Variants in ZC3H3 observed in about 807,000 individuals in gnomAD.
ZC3H3 encodes the protein zinc finger CCCH domain-containing protein 3.
ZC3H3 carries 36 observed loss-of-function variants against 77.3 expected under a neutral mutation model. The ratio of observed to expected loss-of-function variants is 0.47; its 90% CI spans 0.36 to 0.61. The LOEUF is 0.61. ZC3H3 is among the 20% of genes least tolerant of loss of function. The probability of loss-of-function intolerance (pLI) is 0.00; values close to 1 mark genes in which losing one functional copy is unlikely to be tolerated. For synonymous variants in ZC3H3, 626 were observed against 555.2 expected, an observed-to-expected ratio of 1.13 and a Z score of -1.79; for missense variants, 1,331 against 1,312.2, an observed-to-expected ratio of 1.01 and a Z score of -0.22.
chr8:143,465,835 G>C lies in ZC3H3; in HGVS notation c.2189C>G (p.Ser730Cys). 6.2e-7 allele frequency: 1 copy of C among 1,611,880 alleles called. No homozygotes were observed. The highest frequency in any genetic ancestry group is 1.3e-5 in the African/African-American group (1 of 75,048). ...HVSKEKMPVC[S>C]YFLKGICSNS... ...GCTGCAGATGCCCTTCAGGAAGTAG[G>C]AGCACACCGGCATCTGCAGGGAGGG... Residue 730 changes from serine to cysteine, a missense_variant, in exon 9 of 12, where the codon TCC becomes TGC. This residue lies in a region of ZC3H3 where 104 missense variants were observed against 159.7 expected (regional missense o/e 0.65). Transcript: ENST00000262577.
At chr8:143,489,374 A>G (rs1481903699) in intron 4 of ZC3H3, among the ~76,000 whole-genome samples, 2 of 152,180 alleles carry the variant, frequency 1.3e-5, no homozygotes, top group Non-Finnish European at 2.9e-5. Context: ...CTGGAGGACA[A>G]GCAGCCAATG....
At chr8:143,484,651 C>T (rs1329732413) in intron 4 of ZC3H3, 1 of 172,914 alleles carries the variant, frequency 5.8e-6, no homozygotes, top group Non-Finnish European at 1.3e-5. Context: ...CCAGGTGCAG[C>T]TGTCCTTGGC....
In ZC3H3 at chr8:143,530,956, C is replaced by CT. The variant is rs3058418; in HGVS notation, c.1561+5300dup. ...CCCTTCTGGGGCTGTCTTCTATCTC[C>CT]TTTTTTTTTTTTTTTTTTTTTGAGA... On this transcript the variant is annotated intron_variant, in intron 3 of 11. Coordinates refer to ENST00000262577, the MANE Select transcript of ZC3H3 (RefSeq NM_015117.3). The surrounding 1 kb of genome is among the most constrained non-coding windows in gnomAD (Gnocchi z 4.3). 0.024 allele frequency among the ~76,000 whole-genome samples: 3,230 copies of CT among 133,520 alleles called. 179 individuals carry two copies. The highest frequency in any genetic ancestry group is 0.075 in the African/African-American group (2,560 of 34,186). 87.6% of individuals were successfully genotyped at this position (133,520 alleles called of 152,430 possible). A position where few individuals can be genotyped will look rare whatever the true frequency, so the allele number is the denominator to read the frequency against.
chr8:143,530,568 G>A lies in ZC3H3; in HGVS notation c.1561+5689C>T, dbSNP rs1233189055. On this transcript the variant is annotated intron_variant, in intron 3 of 11. Transcript: ENST00000262577. This position sits in a 1 kb window ranked among gnomAD's most constrained non-coding sequence, Gnocchi z 4.3. The stretch of plus-strand genomic sequence containing the variant: ...CCTCACTCCTGGCCTGGCCTGGAGT[G>A]TACAGCCTGGACAGCATCCCTCTGC... 2.6e-5 allele frequency among the ~76,000 whole-genome samples: 4 copies of A among 152,172 alleles called. No homozygotes were observed. The highest frequency in any genetic ancestry group is 1.3e-4 in the Admixed American group (2 of 15,296).
chr8:143,449,757 CA>C (rs1586876096), intron 9 of ZC3H3, among the ~76,000 whole-genome samples: 3 of 151,728 alleles, frequency 2.0e-5, no homozygotes, highest in East Asian at 1.9e-4. Context: ...CAAAACAAAA[CA>C]AAACCCAGGA....
Position 143,439,580 on chromosome 8 carries a change from C to T in ZC3H3, c.2815+461G>A, listed in dbSNP as rs539694210. Among the ~76,000 whole-genome samples, 7 of 152,324 alleles carry T rather than the reference C, an allele frequency of 4.6e-5. No homozygotes were observed. The South Asian group carries it at 6.2e-4, about 14-fold the overall frequency. ...GGAACATCTGTTCTCTCCAGGAGTG[C>T]GTGGTGATCTTCCAGAACAAATTAA... is the stretch of plus-strand genomic sequence containing the variant. On this transcript the variant is annotated intron_variant, in intron 11 of 11. Transcript: ENST00000262577.
At chr8:143,473,008 A>G (rs1467496875) in intron 5 of ZC3H3, among the ~76,000 whole-genome samples, 1 of 152,152 alleles carries the variant, frequency 6.6e-6, no homozygotes, top group Non-Finnish European at 1.5e-5. Context: ...GGGCCTGCAG[A>G]CTGACTGCCA....
intron 3 of ZC3H3, among the ~76,000 whole-genome samples, chr8:143,529,486 G>A (rs1375779999): frequency 6.6e-6 from 1 of 152,220 alleles, no homozygotes; most frequent in Non-Finnish European, 1.5e-5. Flanking sequence ...GGACACAGGA[G>A]GGCCCCAGGG....
intron 10 of ZC3H3, 74 bp from the exon 11 acceptor site, chr8:143,440,437 C>T: frequency 2.7e-6 from 4 of 1,471,614 alleles, no homozygotes; most frequent in Non-Finnish European, 3.6e-6. Context: ...TGCCCATGCT[C>T]TTGGCTGCTT....
chr8:143,492,599 G>C (rs573332002), intron 4 of ZC3H3, among the ~76,000 whole-genome samples: 11 of 151,968 alleles, frequency 7.2e-5, no homozygotes, highest in Admixed American at 4.6e-4. Flanking sequence ...GCCCGGGGAG[G>C]GCCTCACCTC....
At position 143,465,844 on chromosome 8, in the gene ZC3H3, G is replaced by A. The variant is rs17857168; in HGVS notation, c.2180C>T (p.Pro727Leu). 1.9e-6 allele frequency: 3 copies of A among 1,610,466 alleles called. No homozygotes were observed. Among genetic ancestry groups the A allele is most frequent in the Non-Finnish European group, 2.5e-6 (3 of 1,179,752 alleles). ...GCCCTTCAGGAAGTAGGAGCACACC[G>A]GCATCTGCAGGGAGGGCCGGCAGTG... ...FSHHVSKEKM[P>L]VCSYFLKGIC... The change falls in exon 9 of 12, where the codon CCG becomes CTG. Residue 727 changes from proline (P) to leucine (L), a missense_variant. Physicochemically the swap from Pro to Leu is moderately conservative, Grantham distance 98. Transcript: ENST00000262577.
At chr8:143,526,256 A>T (rs1822409358) in intron 3 of ZC3H3, among the ~76,000 whole-genome samples, 1 of 151,840 alleles carries the variant, frequency 6.6e-6, no homozygotes. Flanking sequence ...GGGCCTCGCC[A>T]GGCTGGCCCA....
intron 8 of ZC3H3, among the ~76,000 whole-genome samples, chr8:143,467,752 G>A (rs1460453284): frequency 6.6e-6 from 1 of 152,126 alleles, no homozygotes; most frequent in Non-Finnish European, 1.5e-5. Flanking sequence ...GAGTCCAGCT[G>A]TTCTCCCTCC....
intron 4 of ZC3H3, among the ~76,000 whole-genome samples, chr8:143,482,675 G>A (rs1820938850): frequency 6.6e-6 from 1 of 152,326 alleles, no homozygotes; most frequent in East Asian, 1.9e-4. Flanking sequence ...GGGGCTCAAG[G>A]AGGGAGGCAT....
chr8:143,515,337 C>A (rs1384849817), intron 3 of ZC3H3, among the ~76,000 whole-genome samples: 2 of 152,260 alleles, frequency 1.3e-5, no homozygotes, highest in African/African-American at 2.4e-5. Flanking sequence ...AGGTCATCGG[C>A]AGGGCCCCTG....
At chr8:143,444,997 T>C (rs1399358477) in intron 9 of ZC3H3, among the ~76,000 whole-genome samples, 1 of 152,206 alleles carries the variant, frequency 6.6e-6, no homozygotes, top group Admixed American at 6.5e-5. Context: ...CTATATAAAA[T>C]TATATTTCTA....
chr8:143,440,380 G>A lies in ZC3H3; in HGVS notation c.2493-17C>T. 1 of 1,511,576 alleles carries A rather than the reference G, an allele frequency of 6.6e-7. No homozygotes were observed. The highest frequency in any genetic ancestry group is 8.8e-7 in the Non-Finnish European group (1 of 1,130,508). 93.6% of individuals were successfully genotyped at this position (1,511,576 alleles called of 1,614,324 possible). On this transcript the variant is annotated splice_polypyrimidine_tract_variant and intron_variant, in intron 10 of 11. Transcript: ENST00000262577. ...GAAGGCTTCCTGCAGGGAAGGAAGG[G>A]GCAGACGTGTGAGGTGGGGTGACGG...
chr8:143,532,307 C>T (rs1045288493), intron 3 of ZC3H3, among the ~76,000 whole-genome samples: 77 of 152,370 alleles, frequency 5.1e-4, no homozygotes, highest in African/African-American at 1.7e-3. Context: ...CACGGCAAGG[C>T]TGAAGTGCGG....
intron 1 of ZC3H3, among the ~76,000 whole-genome samples, chr8:143,540,726 C>A (rs1417966748): frequency 6.6e-6 from 1 of 151,422 alleles, no homozygotes; most frequent in Non-Finnish European, 1.5e-5. Context: ...GAGGCCGAGG[C>A]GGGTGAATCA....
Sources: gnomAD v4.1 joint callset for allele counts (sites outside exome capture counted in the v4.1 genomes callset) on GRCh38, gnomAD v4.1.1 for gene constraint, gnomAD v4.1.1 regional missense constraint, Gnocchi (gnomAD v3.1) non-coding constraint, MANE v1.5 for transcripts, NCBI Gene and HGNC (gene_info 2026-07-23, HGNC 2026-07-21) for gene names.